The following BNC2 variants were observed in gnomAD, a reference collection of about 807,000 sequenced individuals.
BNC2 encodes the protein zinc finger protein basonuclin-2.
A neutral mutation model predicts 76.3 loss-of-function variants in BNC2; 20 were observed. The ratio of observed to expected loss-of-function variants is 0.26; its 90% CI spans 0.18 to 0.38. The LOEUF is 0.38. BNC2 is among the 10% of genes least tolerant of loss of function. The pLI, the probability that BNC2 is intolerant of heterozygous loss-of-function variation, is 1.00. For synonymous variants in BNC2, 582 were observed against 514.8 expected, an observed-to-expected ratio of 1.13 and a Z score of -1.77; for missense variants, 1,382 against 1,399.8, an observed-to-expected ratio of 0.99 and a Z score of 0.20.
In BNC2 at chr9:16,462,702, G is replaced by T. The variant is rs190508002; in HGVS notation, c.670-25178C>A. On this transcript the variant is annotated intron_variant, in intron 5 of 6. Coordinates refer to ENST00000380672, the MANE Select transcript of BNC2 (RefSeq NM_017637.6). ...GCGGGGGAGACAGAACCTATCATCA[G>T]TCTGCAACACAGATCCAAAGACCAG... Among the ~76,000 whole-genome samples the T allele has an allele frequency of 8.5e-5, 13 of 152,292 alleles. No homozygotes were observed. The East Asian group carries it at 2.5e-3, about 29-fold the overall frequency.
At chr9:16,779,613 A>C (rs1375840177) in intron 1 of BNC2, among the ~76,000 whole-genome samples, 1 of 152,248 alleles carries the variant, frequency 6.6e-6, no homozygotes, top group Non-Finnish European at 1.5e-5. Flanking sequence ...CTGATGGATA[A>C]ATAAAACTGT....
chr9:16,551,122 G>A (rs1818649419), intron 5 of BNC2, among the ~76,000 whole-genome samples: 1 of 152,124 alleles, frequency 6.6e-6, no homozygotes, highest in Non-Finnish European at 1.5e-5. Flanking sequence ...GATAATGCTT[G>A]TAAACATTCT....
At chr9:16,727,307 CTT>C (rs1217108389) in intron 3 of BNC2, 2 of 163,540 alleles carry the variant, frequency 1.2e-5, no homozygotes, top group East Asian at 3.5e-4. Context: ...CCTCGTCTCT[CTT>C]CTCAGGTCTG....
intron 5 of BNC2, among the ~76,000 whole-genome samples, chr9:16,479,264 GAA>G: frequency 9.2e-6 from 1 of 108,758 alleles, no homozygotes; most frequent in African/African-American, 4.0e-5. Flanking sequence ...AAAAAAAAAA[GAA>G]AAGAAAAGAA....
At chr9:16,629,759 C>T (rs536875443) in intron 3 of BNC2, among the ~76,000 whole-genome samples, 6 of 152,126 alleles carry the variant, frequency 3.9e-5, no homozygotes, top group Non-Finnish European at 8.8e-5. Context: ...AAACAGCATA[C>T]ATACATCTAA....
chr9:16,777,923 T>C (rs1255474249), intron 1 of BNC2, among the ~76,000 whole-genome samples: 2 of 152,026 alleles, frequency 1.3e-5, no homozygotes, highest in Non-Finnish European at 2.9e-5. Flanking sequence ...ACACTGAAAA[T>C]ATCTATACTG....
At chr9:16,838,512 G>C (rs1180742806) in intron 1 of BNC2, among the ~76,000 whole-genome samples, 1 of 152,166 alleles carries the variant, frequency 6.6e-6, no homozygotes, top group Non-Finnish European at 1.5e-5. Context: ...AGTGAGCCAA[G>C]AGCACTCCAT....
Position 16,792,034 on chromosome 9 carries a change from G to A in BNC2, c.4-53549C>T, listed in dbSNP as rs372810965. Among the ~76,000 whole-genome samples the A allele has an allele frequency of 3.2e-4, 49 of 151,330 alleles. 1 individual carries two copies. In the South Asian group the frequency reaches 9.2e-3, roughly 28 times the overall value. On this transcript the variant is annotated intron_variant, in intron 1 of 6. Coordinates refer to ENST00000380672, the MANE Select transcript of BNC2 (RefSeq NM_017637.6). ...GAGGGATCCCTTTAGCCCAGGAGAC[G>A]GAAGTTGCAAGGAGCCAAGATCATG...
At chr9:16,644,549 A>C (rs1277685258) in intron 3 of BNC2, among the ~76,000 whole-genome samples, 1 of 152,178 alleles carries the variant, frequency 6.6e-6, no homozygotes, top group African/African-American at 2.4e-5. Flanking sequence ...AATAATCCCA[A>C]ATTCTCTAAA....
chr9:16,702,842 T>C (rs1432157200), intron 3 of BNC2, among the ~76,000 whole-genome samples: 1 of 152,022 alleles, frequency 6.6e-6, no homozygotes, highest in Non-Finnish European at 1.5e-5. Context: ...GCAAAGAAAA[T>C]AAAGGTCAGG....
intron 1 of BNC2, among the ~76,000 whole-genome samples, chr9:16,825,568 C>A (rs1038901506): frequency 2.6e-5 from 4 of 152,018 alleles, no homozygotes; most frequent in African/African-American, 4.8e-5. Flanking sequence ...ATTTCAAAAT[C>A]CCTGAAAAAA....
At chr9:16,788,286 G>T (rs937294285) in intron 1 of BNC2, among the ~76,000 whole-genome samples, 3 of 152,018 alleles carry the variant, frequency 2.0e-5, no homozygotes, top group Admixed American at 1.3e-4. Flanking sequence ...AGGCGCGGTG[G>T]CTCACGCCTG....
chr9:16,444,022 C>CA (rs1821181934), intron 5 of BNC2, among the ~76,000 whole-genome samples: 1 of 152,174 alleles, frequency 6.6e-6, no homozygotes, highest in Non-Finnish European at 1.5e-5. Flanking sequence ...CTTGAACTCT[C>CA]ACACACATAA....
intron 1 of BNC2, among the ~76,000 whole-genome samples, chr9:16,770,532 CAGG>C (rs1825805623): frequency 6.6e-6 from 1 of 152,158 alleles, no homozygotes; most frequent in Non-Finnish European, 1.5e-5. Context: ...ACTTCCAAAT[CAGG>C]AGTTTACCCA....
chr9:16,574,557 C>T (rs376868804), intron 4 of BNC2, among the ~76,000 whole-genome samples: 1 of 152,136 alleles, frequency 6.6e-6, no homozygotes, highest in African/African-American at 2.4e-5. Flanking sequence ...ATTTCACCTA[C>T]GGAACACTTG....
chr9:16,601,935 A>T (rs944433420), intron 3 of BNC2, among the ~76,000 whole-genome samples: 2 of 152,172 alleles, frequency 1.3e-5, no homozygotes, highest in Admixed American at 6.6e-5. Context: ...CCTCCAATAT[A>T]ATAAGTGCTC....
At chr9:16,848,922 A>G (rs1433461879) in intron 1 of BNC2, among the ~76,000 whole-genome samples, 1 of 152,208 alleles carries the variant, frequency 6.6e-6, no homozygotes, top group African/African-American at 2.4e-5. Context: ...CTTCCAGGCT[A>G]TGTGTATAAA....
intron 1 of BNC2, among the ~76,000 whole-genome samples, chr9:16,762,793 C>T (rs964548357): frequency 6.6e-6 from 1 of 152,108 alleles, no homozygotes; most frequent in Non-Finnish European, 1.5e-5. Flanking sequence ...TTAAAAAGTG[C>T]CCCCTTTGTA....
chr9:16,433,355 C>G, intron 6 of BNC2, among the ~76,000 whole-genome samples: 1 of 152,134 alleles, frequency 6.6e-6, no homozygotes. Context: ...ATGAAAAAGA[C>G]TGGGCATACT....
Sources: allele counts gnomAD v4.1 joint callset (sites outside exome capture counted in the v4.1 genomes callset), GRCh38; gene constraint gnomAD v4.1.1; transcripts MANE v1.5; gene names NCBI Gene and HGNC (gene_info 2026-07-23, HGNC 2026-07-21).